The following MYH11 variants were observed in gnomAD, a reference collection of about 807,000 sequenced individuals.
The protein encoded by MYH11 is myosin heavy chain 11, also known as myosin-11.
A neutral mutation model predicts 246.6 loss-of-function variants in MYH11; 80 were observed. The ratio of observed to expected loss-of-function variants is 0.32; its 90% CI spans 0.27 to 0.39. The LOEUF is 0.39. Ranked by LOEUF, MYH11 falls within the 10% of genes least tolerant of loss-of-function variation. MYH11 has a pLI of 1.00. For missense variants in MYH11, 2,158 were observed against 2,546.8 expected, an observed-to-expected ratio of 0.85 and a Z score of 3.29; for synonymous variants, 1,071 against 1,015.5, an observed-to-expected ratio of 1.05 and a Z score of -1.04.
chr16:15,833,324 A>G (rs1026956949), intron 2 of MYH11, among the ~76,000 whole-genome samples: 5 of 151,084 alleles, frequency 3.3e-5, no homozygotes, highest in Non-Finnish European at 5.9e-5. Context: ...AAAAGAAGAA[A>G]GAAAAAAGAA....
At chr16:15,800,795 C>T (rs928878449) in intron 3 of MYH11, among the ~76,000 whole-genome samples, 1 of 152,034 alleles carries the variant, frequency 6.6e-6, no homozygotes, top group Non-Finnish European at 1.5e-5. Context: ...TCTCTCTTCC[C>T]TCGGATTATA....
intron 7 of MYH11, among the ~76,000 whole-genome samples, chr16:15,777,380 C>T (rs2042248519): frequency 6.6e-6 from 1 of 152,188 alleles, no homozygotes; most frequent in African/African-American, 2.4e-5. Flanking sequence ...CTCGGCCTCC[C>T]AAAGTGCTGG....
chr16:15,779,815 A>G (rs750118060), intron 6 of MYH11, among the ~76,000 whole-genome samples: 4 of 152,204 alleles, frequency 2.6e-5, no homozygotes, highest in Non-Finnish European at 5.9e-5. Context: ...CCAATCCTCC[A>G]TCTGTTGGCA....
chr16:15,748,810 G>A lies in MYH11; in HGVS notation c.2059-642C>T, dbSNP rs769944882. 6.1e-4 allele frequency among the ~76,000 whole-genome samples: 92 copies of A among 152,054 alleles called. 1 individual carries two copies. Among genetic ancestry groups the A allele is most frequent in the Non-Finnish European group, 1.0e-3 (70 of 67,974 alleles). ...TTTAAAAATGTTTTTGTAGATATAG[G>A]GTCTTGCTATGTTGCCCAGGCTAGC... On this transcript the variant is annotated intron_variant, in intron 16 of 40. Coordinates refer to ENST00000300036, the MANE Select transcript of MYH11 (RefSeq NM_002474.3).
At chr16:15,805,909 C>G (rs557767996) in intron 3 of MYH11, among the ~76,000 whole-genome samples, 11 of 152,034 alleles carry the variant, frequency 7.2e-5, no homozygotes, top group Non-Finnish European at 1.5e-4. Context: ...GAGACAGACC[C>G]TGTCTTAAAA....
chr16:15,741,010 G>C (rs888562522), intron 22 of MYH11: 1 of 307,080 alleles, frequency 3.3e-6, no homozygotes, highest in Admixed American at 4.4e-5. Context: ...AAGCCAAGTA[G>C]AAGTGGGTCC....
chr16:15,837,792 C>G (rs955029144), intron 2 of MYH11, 116 bp downstream of exon 2: 3 of 950,888 alleles, frequency 3.2e-6, no homozygotes, highest in South Asian at 2.7e-5. Context: ...ACCTCGGCCT[C>G]CCAAAGTGCT....
chr16:15,766,157 T>G (rs2151285305), intron 9 of MYH11, among the ~76,000 whole-genome samples: 1 of 152,248 alleles, frequency 6.6e-6, no homozygotes, highest in Non-Finnish European at 1.5e-5. Flanking sequence ...AGAGAACCAC[T>G]GGTCTAAATG....
At chr16:15,729,582 ACT>A (rs928036977) in intron 27 of MYH11, among the ~76,000 whole-genome samples, 12 of 141,344 alleles carry the variant, frequency 8.5e-5, no homozygotes, top group African/African-American at 3.2e-4. Context: ...ACTGAGTCTC[ACT>A]CTGTTGCCCA....
intron 2 of MYH11, among the ~76,000 whole-genome samples, chr16:15,829,175 T>C (rs1207765033): frequency 6.7e-6 from 1 of 148,824 alleles, no homozygotes; most frequent in Non-Finnish European, 1.5e-5. Flanking sequence ...AAAGTGAGAC[T>C]GTCTCAAAGA....
chr16:15,720,461 TCA>T, intron 33 of MYH11, 149 bp from the exon 34 acceptor site: 1 of 1,179,818 alleles, frequency 8.5e-7, no homozygotes, highest in Non-Finnish European at 1.2e-6. Flanking sequence ...GAAAACGGAA[TCA>T]CGCCGGGCGT....
Position 15,731,229 on chromosome 16 carries a change from G to A in MYH11, c.3651+1335C>T, listed in dbSNP as rs907360612. On this transcript the variant is annotated intron_variant, in intron 27 of 40. Coordinates refer to ENST00000300036, the MANE Select transcript of MYH11 (RefSeq NM_002474.3). The stretch of plus-strand genomic sequence containing the variant: ...GTTACACCTTTGCTTATCCCTGAAG[G>A]GCAGTATATTGATAGGCCCCACCCA... Among the ~76,000 whole-genome samples, 8 of 152,170 alleles carry A rather than the reference G, an allele frequency of 5.3e-5. 1 individual carries two copies.
intron 1 of MYH11, among the ~76,000 whole-genome samples, chr16:15,839,938 T>C (rs965244091): frequency 1.3e-5 from 2 of 151,514 alleles, no homozygotes; most frequent in East Asian, 2.0e-4. Context: ...GTAATCCCAG[T>C]TACTCAAAAA....
chr16:15,817,407 G>T (rs2043288080), intron 3 of MYH11, among the ~76,000 whole-genome samples: 1 of 152,056 alleles, frequency 6.6e-6, no homozygotes, highest in South Asian at 2.1e-4. Context: ...CACAAGAATT[G>T]CTTGAACCCA....
intron 36 of MYH11, 171 bp from the exon 37 acceptor site, chr16:15,718,609 C>A: frequency 9.5e-7 from 1 of 1,047,928 alleles, no homozygotes; most frequent in Non-Finnish European, 1.3e-6. Flanking sequence ...AAGTGGACAG[C>A]CGGGACTCAG....
At chr16:15,747,521 T>A in intron 19 of MYH11, 49 bp downstream of exon 19, 1 of 1,611,830 alleles carries the variant, frequency 6.2e-7, no homozygotes, top group Non-Finnish European at 8.5e-7. Context: ...GAAAGGCCCC[T>A]GTTTGTGATT....
In MYH11 at chr16:15,716,082, CAG is replaced by C. The variant is rs1309971922; in HGVS notation, c.5505-812_5505-811del. Among the ~76,000 whole-genome samples, 8 of 152,206 alleles carry C rather than the reference CAG, an allele frequency of 5.3e-5. No individual in the cohort carries two copies. In the South Asian group the frequency reaches 1.2e-3, roughly 24 times the overall value. The stretch of plus-strand genomic sequence containing the variant: ...CACCACTGCACACCAGCCTGGGAAA[CAG>C]AGTGAGACTATGTCTCAAAAAAATA... On this transcript the variant is annotated intron_variant, in intron 38 of 40. Coordinates refer to ENST00000300036, the MANE Select transcript of MYH11 (RefSeq NM_002474.3).
At chr16:15,827,105 C>G (rs1195731477) in intron 2 of MYH11, among the ~76,000 whole-genome samples, 1 of 151,886 alleles carries the variant, frequency 6.6e-6, no homozygotes, top group East Asian at 1.9e-4. Flanking sequence ...GTCTAAATAG[C>G]CATCAACCAT....
At chr16:15,720,774 G>A in intron 33 of MYH11, 65 bp downstream of exon 33, 2 of 1,502,438 alleles carry the variant, frequency 1.3e-6, no homozygotes, top group South Asian at 1.1e-5. Flanking sequence ...CCAACCATGA[G>A]AGTGGTGATA....
Sources: gnomAD v4.1 joint callset for allele counts (sites outside exome capture counted in the v4.1 genomes callset) on GRCh38, gnomAD v4.1.1 for gene constraint, MANE v1.5 for transcripts, NCBI Gene and HGNC (gene_info 2026-07-23, HGNC 2026-07-21) for gene names.